The following CDK5 variants were observed in gnomAD, a reference collection of about 807,000 sequenced individuals.
CDK5 encodes the protein cyclin dependent kinase 5, also known as cyclin-dependent kinase 5.
In CDK5, 18 loss-of-function variants were observed where a neutral mutation model predicts 44.6. That is an observed-to-expected ratio of 0.40 (90% CI 0.28 to 0.60). CDK5 has a LOEUF of 0.60. CDK5 is among the 20% of genes least tolerant of loss of function. The pLI, the probability that CDK5 is intolerant of heterozygous loss-of-function variation, is 0.38. For synonymous variants in CDK5, 143 were observed against 152.8 expected (o/e 0.94, Z 0.47); for missense variants, 198 against 368.1 (o/e 0.54, Z 3.78).
In CDK5 at chr7:151,054,447, G is replaced by A. The variant is rs369291948; in HGVS notation, c.669C>T (p.Thr223=). The A allele has an allele frequency of 2.2e-5, 35 of 1,613,020 alleles. No homozygotes were observed. Among genetic ancestry groups the A allele is most frequent in the Middle Eastern group, 1.6e-4 (1 of 6,080 alleles). Residue 223 remains threonine (T), a synonymous_variant, in exon 10 of 12, where the codon ACC becomes ACT. Transcript: ENST00000485972. This position sits in a 1 kb window ranked among gnomAD's most constrained non-coding sequence, Gnocchi z 5.7. The part of the protein sequence containing the change: ...KRIFRLLGTP[T]EEQWPSMTKL... Reference sequence around the variant, plus strand: ...TGGTCATAGAGGGCCACTGCTCCTCGGTGGGCGTCCCCAGCAGTGTGTCCA... The same window carrying A: ...TGGTCATAGAGGGCCACTGCTCCTCAGTGGGCGTCCCCAGCAGTGTGTCCA...
Position 151,053,994 on chromosome 7 carries a change from C to CG in CDK5, c.*14dup. Reference sequence around the variant, plus strand: ...ATAGGCCAGGCCCCAGCCTGGAGGCCGGGGGTCCCGGGGCCTAGGGCGGAC... The same window carrying CG: ...ATAGGCCAGGCCCCAGCCTGGAGGCCGGGGGGTCCCGGGGCCTAGGGCGGAC... On this transcript the variant is annotated 3_prime_UTR_variant, in exon 12 of 12. Transcript: ENST00000485972. 3 of 1,571,702 alleles carry CG rather than the reference C, an allele frequency of 1.9e-6. No individual in the cohort carries two copies. The highest frequency in any genetic ancestry group is 2.6e-6 in the Non-Finnish European group (3 of 1,158,730).
At position 151,054,269 on chromosome 7, in the gene CDK5, T is replaced by C. The variant is rs756128106; in HGVS notation, c.735A>G (p.Thr245=). 1 of 1,613,748 alleles carries C rather than the reference T, an allele frequency of 6.2e-7. No individual in the cohort carries two copies. The highest frequency in any genetic ancestry group is 1.1e-5 in the South Asian group (1 of 91,042). ...DYKPYPMYPA[T]TSLVNVVPKL... is the part of the protein sequence containing the mutation. Reference sequence around the variant, plus strand: ...TGGGCACGACGTTCACCAGGGATGTTGTGGCCGGGTACATCGGATAGGGCT... The same window carrying C: ...TGGGCACGACGTTCACCAGGGATGTCGTGGCCGGGTACATCGGATAGGGCT... Residue 245 remains threonine (T), a synonymous_variant, in exon 11 of 12, where the codon ACA becomes ACG. Transcript: ENST00000485972. This position sits in a 1 kb window ranked among gnomAD's most constrained non-coding sequence, Gnocchi z 5.7.
chr7:151,054,303 G>A lies in CDK5; in HGVS notation c.712-11C>T, dbSNP rs372878892. 9 of 1,613,508 alleles carry A rather than the reference G, an allele frequency of 5.6e-6. No homozygotes were observed. The African/African-American group carries it at 6.7e-5, about 12-fold the overall frequency. ...GTACATCGGATAGGGCTGTGGAGAG[G>A]CAGGGAGGGTCAGACTAGAGGTAGG... On this transcript the variant is annotated splice_polypyrimidine_tract_variant and intron_variant, in intron 10 of 11. Coordinates refer to ENST00000485972, the MANE Select transcript of CDK5 (RefSeq NM_004935.4). This position sits in a 1 kb window ranked among gnomAD's most constrained non-coding sequence, Gnocchi z 5.7.
chr7:151,055,341 G>C lies in CDK5; in HGVS notation c.516C>G (p.Val172=). Residue 172 remains valine, a synonymous_variant, in exon 8 of 12, where the codon GTC becomes GTG. Transcript: ENST00000485972. The part of the protein sequence containing the change: ...VVTLWYRPPD[V]LFGAKLYSTS... ...TGGAGTACAGCTTGGCCCCAAAGAGGACATCCGGTGGGCGGTACCACAGTG... is the reference window on the plus strand; with the variant it reads ...TGGAGTACAGCTTGGCCCCAAAGAGCACATCCGGTGGGCGGTACCACAGTG... 2.5e-6 allele frequency: 4 copies of C among 1,613,884 alleles called. No homozygotes were observed. The highest frequency in any genetic ancestry group is 2.5e-6 in the Non-Finnish European group (3 of 1,179,826).
chr7:151,054,489 T>C lies in CDK5; in HGVS notation c.651-24A>G. The stretch of plus-strand genomic sequence containing the variant: ...GTGTGTCCACGGAGTCAAGGATCAC[T>C]TGGGAAAGGGCCACAGCTGCATCTT... On this transcript the variant is annotated intron_variant, in intron 9 of 11. Transcript: ENST00000485972. This position sits in a 1 kb window ranked among gnomAD's most constrained non-coding sequence, Gnocchi z 5.7. The C allele has an allele frequency of 6.2e-7, 1 of 1,603,802 alleles. No homozygotes were observed.
chr7:151,057,766 G>T lies in CDK5; in HGVS notation c.37+46C>A. On this transcript the variant is annotated intron_variant, in intron 1 of 11. Transcript: ENST00000485972. This position sits in a 1 kb window ranked among gnomAD's most constrained non-coding sequence, Gnocchi z 5.2. ...AGCCAGGGCTTCAAGGAATGCCGAA[G>T]GATCTGCAGAGGAGCTCTTGCAGGA... 6.3e-7 allele frequency: 1 copy of T among 1,588,094 alleles called. No individual in the cohort carries two copies.
In CDK5 at chr7:151,055,589, C is replaced by T. The variant is rs1275302926; in HGVS notation, c.426G>A (p.Leu142=). Residue 142 remains leucine, a synonymous_variant, in exon 7 of 12, where the codon TTG becomes TTA. Coordinates refer to ENST00000485972, the MANE Select transcript of CDK5 (RefSeq NM_004935.4). Reference sequence around the variant, plus strand: ...AGGCTCGAGCCAGGCCAAAATCAGCCAATTTCAGCTCCCCATTCTGAAGGG... The same window carrying T: ...AGGCTCGAGCCAGGCCAAAATCAGCTAATTTCAGCTCCCCATTCTGAAGGG... ...LLINRNGELK[L]ADFGLARAFG... The T allele has an allele frequency of 3.7e-6, 6 of 1,613,796 alleles. No homozygotes were observed. Among genetic ancestry groups the T allele is most frequent in the Non-Finnish European group, 5.1e-6 (6 of 1,179,862 alleles).
In CDK5 at chr7:151,057,153, G is replaced by A; in HGVS notation, c.45C>T (p.Tyr15=). ...GGTTTTTGGCCTTGAACACAGTTCC[G>A]TAGGTGCCTAGGGGAAGGAGGTCAG... ...EKLEKIGEGT[Y]GTVFKAKNRE... Residue 15 remains tyrosine, a synonymous_variant, in exon 2 of 12, where the codon TAC becomes TAT. Coordinates refer to ENST00000485972, the MANE Select transcript of CDK5 (RefSeq NM_004935.4). The surrounding 1 kb of genome is among the most constrained non-coding windows in gnomAD (Gnocchi z 5.2). The A allele has an allele frequency of 1.9e-6, 3 of 1,613,736 alleles. No individual in the cohort carries two copies. The highest frequency in any genetic ancestry group is 2.5e-6 in the Non-Finnish European group (3 of 1,179,652).
Position 151,054,938 on chromosome 7 carries a change from C to T in CDK5, c.650+89G>A, listed in dbSNP as rs1025884623. Reference sequence around the variant, plus strand: ...GCCCTACAGACCCCATCACCCTACCCCACACCATCACTGCCCTCACCCATT... The same window carrying T: ...GCCCTACAGACCCCATCACCCTACCTCACACCATCACTGCCCTCACCCATT... On this transcript the variant is annotated intron_variant, in intron 9 of 11. Transcript: ENST00000485972. This position sits in a 1 kb window ranked among gnomAD's most constrained non-coding sequence, Gnocchi z 5.7. The T allele has an allele frequency of 6.8e-6, 9 of 1,325,420 alleles. No homozygotes were observed. Among genetic ancestry groups the T allele is most frequent in the Middle Eastern group, 1.8e-4 (1 of 5,536 alleles). The allele number at this position is 1,325,420 out of a possible 1,614,324, so 82.1% of individuals were successfully genotyped here.
At chr7:151,055,415 A>C in intron 7 of CDK5, 42 bp from the exon 8 acceptor site, 1 of 1,571,662 alleles carries the variant, frequency 6.4e-7, no homozygotes, top group Admixed American at 1.7e-5. Flanking sequence ...CACTTAGAGG[A>C]CTGGGGAGGA....
In CDK5 at chr7:151,055,348, G is replaced by A. The variant is rs759675039; in HGVS notation, c.509C>T (p.Pro170Leu). ...AEVVTLWYRPPDVLFGAKLYS... is the reference protein window; with the variant it reads ...AEVVTLWYRPLDVLFGAKLYS... Reference sequence around the variant, plus strand: ...CAGCTTGGCCCCAAAGAGGACATCCGGTGGGCGGTACCACAGTGTGACCAC... The same window carrying A: ...CAGCTTGGCCCCAAAGAGGACATCCAGTGGGCGGTACCACAGTGTGACCAC... Residue 170 changes from proline to leucine, a missense_variant, in exon 8 of 12, where the codon CCG (proline) becomes CTG (leucine). By Grantham distance (98) the Pro-to-Leu change is moderately conservative. Transcript: ENST00000485972. The A allele has an allele frequency of 3.1e-6, 5 of 1,613,626 alleles. No individual in the cohort carries two copies. Among genetic ancestry groups the A allele is most frequent in the African/African-American group, 1.3e-5 (1 of 74,922 alleles).
chr7:151,055,434 G>C lies in CDK5; in HGVS notation c.484-61C>G. On this transcript the variant is annotated intron_variant, in intron 7 of 11. Coordinates refer to ENST00000485972, the MANE Select transcript of CDK5 (RefSeq NM_004935.4). ...TAGAGGACTGGGGAGGAGGTTTGAGGAGGAGGCTCAGAGAGGAGAGGAAAA... is the reference window on the plus strand; with the variant it reads ...TAGAGGACTGGGGAGGAGGTTTGAGCAGGAGGCTCAGAGAGGAGAGGAAAA... The C allele has an allele frequency of 2.6e-6, 4 of 1,563,044 alleles. No homozygotes were observed. In the South Asian group the frequency reaches 3.3e-5, roughly 13 times the overall value.
Position 151,055,822 on chromosome 7 carries a change from C to T in CDK5, c.339G>A (p.Gly113=), listed in dbSNP as rs768598460. 2.0e-5 allele frequency: 33 copies of T among 1,610,804 alleles called. 1 individual carries two copies. In the South Asian group the frequency reaches 3.7e-4, roughly 18 times the overall value. ...CATTGCGGCTATGACAGAATCCCAG[C>T]CCTTTTAGTAGCTGGAAGAGGAATG... ...VKSFLFQLLK[G]LGFCHSRNVL... The change falls in exon 6 of 12, where the codon GGG becomes GGA. Residue 113 remains glycine (G), a synonymous_variant. Coordinates refer to ENST00000485972, the MANE Select transcript of CDK5 (RefSeq NM_004935.4).
Position 151,056,669 on chromosome 7 carries a change from GA to G in CDK5, c.256-34del. ...GGGATATGAGTGGGGGAATGGGACAGAGTTTAACCTCAATCTGGGCCCCTAT... is the reference window on the plus strand; with the variant it reads ...GGGATATGAGTGGGGGAATGGGACAGGTTTAACCTCAATCTGGGCCCCTAT... On this transcript the variant is annotated intron_variant, in intron 4 of 11. Transcript: ENST00000485972. This position sits in a 1 kb window ranked among gnomAD's most constrained non-coding sequence, Gnocchi z 4.7. 6.2e-7 allele frequency: 1 copy of G among 1,611,754 alleles called. No individual in the cohort carries two copies. Among genetic ancestry groups the G allele is most frequent in the Non-Finnish European group, 8.5e-7 (1 of 1,178,686 alleles).
At chr7:151,055,256 T>C (rs1442891326) in intron 8 of CDK5, 21 bp downstream of exon 8, 2 of 1,605,126 alleles carry the variant, frequency 1.2e-6, no homozygotes, top group Non-Finnish European at 1.7e-6. Context: ...AAGGTGCCTC[T>C]GCAACACCCC....
rs1411674043 is a variant in CDK5 at position 151,055,089 on chromosome 7, G to T, written c.588C>A (p.Ala196=). 6.2e-7 allele frequency: 1 copy of T among 1,612,436 alleles called. No homozygotes were observed. Among genetic ancestry groups the T allele is most frequent in the Admixed American group, 1.7e-5 (1 of 59,878 alleles). ...WSAGCIFAEL[A]NAGRPLFPGN... Reference sequence around the variant, plus strand: ...CGGGAAAAAGAGGCCGCCCAGCATTGGCCAGCTCTGGGGGATAGACAGGGG... The same window carrying T: ...CGGGAAAAAGAGGCCGCCCAGCATTTGCCAGCTCTGGGGGATAGACAGGGG... Residue 196 remains alanine, a synonymous_variant, in exon 9 of 12, where the codon GCC becomes GCA. Transcript: ENST00000485972.
chr7:151,056,728 C>G lies in CDK5; in HGVS notation c.255+8G>C. The G allele has an allele frequency of 6.2e-7, 1 of 1,613,010 alleles. No individual in the cohort carries two copies. Among genetic ancestry groups the G allele is most frequent in the Non-Finnish European group, 8.5e-7 (1 of 1,179,464 alleles). On this transcript the variant is annotated splice_region_variant and intron_variant, in intron 4 of 11. Transcript: ENST00000485972. This position sits in a 1 kb window ranked among gnomAD's most constrained non-coding sequence, Gnocchi z 4.7. ...CAAGGCTACTGTCCTCCAAACCCCG[C>G]CTTTCACCTGGTCACAGAATTCAAA...
chr7:151,055,317 G>C lies in CDK5; in HGVS notation c.540C>G (p.Ser180=). ...CGGCTGACCACATGTCGATGGACGT[G>C]GAGTACAGCTTGGCCCCAAAGAGGA... ...PDVLFGAKLY[S]TSIDMWSAGC... Residue 180 remains serine (S), a synonymous_variant, in exon 8 of 12, where the codon TCC becomes TCG. Transcript: ENST00000485972. 6.2e-7 allele frequency: 1 copy of C among 1,613,924 alleles called. No homozygotes were observed. Among genetic ancestry groups the C allele is most frequent in the Non-Finnish European group, 8.5e-7 (1 of 1,179,806 alleles).
rs970178426 is a variant in CDK5, at chr7:151,056,171, G to A, written c.313-323C>T. 4 of 509,268 alleles carry A rather than the reference G, an allele frequency of 7.9e-6. No individual in the cohort carries two copies. The highest frequency in any genetic ancestry group is 3.8e-5 in the African/African-American group (2 of 52,512). The allele number at this position is 509,268 out of a possible 1,614,324, so 31.5% of individuals were successfully genotyped here. A position where few individuals can be genotyped will look rare whatever the true frequency, so the allele number is the denominator to read the frequency against. On this transcript the variant is annotated intron_variant, in intron 5 of 11. Coordinates refer to ENST00000485972, the MANE Select transcript of CDK5 (RefSeq NM_004935.4). The surrounding 1 kb of genome is among the most constrained non-coding windows in gnomAD (Gnocchi z 4.7). ...TTCCTGGCCGCATCTGAGTATGCACGCCGTGAACATCAACATAAATATCGT... is the reference window on the plus strand; with the variant it reads ...TTCCTGGCCGCATCTGAGTATGCACACCGTGAACATCAACATAAATATCGT...
Sources: allele counts gnomAD v4.1 joint callset, GRCh38; gene constraint gnomAD v4.1.1; non-coding constraint Gnocchi (gnomAD v3.1); transcripts MANE v1.5; gene names NCBI Gene and HGNC (gene_info 2026-07-23, HGNC 2026-07-21).